The following IL3RA variants were observed in gnomAD, a reference collection of about 807,000 sequenced individuals.
The protein encoded by IL3RA is interleukin-3 receptor subunit alpha.
A neutral mutation model predicts 52.3 loss-of-function variants in IL3RA; 73 were observed. The observed-to-expected ratio is 1.40, with a 90% confidence interval of 1.16 to 1.70. The LOEUF is 1.70. IL3RA is among the 40% of genes most tolerant of loss of function. The pLI is 0.00. For missense variants in IL3RA, 664 were observed against 504.4 expected (o/e 1.32, Z -3.03); for synonymous variants, 260 against 194.0 (o/e 1.34, Z -2.83).
Position 1,337,511 on chromosome X carries a change from A to ACC in IL3RA, c.-39+587_-39+588dup, listed in dbSNP as rs2085356750. On this transcript the variant is annotated intron_variant, in intron 1 of 11. Transcript: ENST00000331035. The stretch of plus-strand genomic sequence containing the variant: ...GCCAAGAGGTGGAGACAGCCCTCGT[A>ACC]CCCATCTATAGATGAATGGAAAAAT... 2.6e-5 allele frequency among the ~76,000 whole-genome samples: 4 copies of ACC among 152,174 alleles called. No homozygotes were observed. The South Asian group carries it at 8.3e-4, about 32-fold the overall frequency.
intron 11 of IL3RA, among the ~76,000 whole-genome samples, chrX:1,381,963 T>C (rs1188791622): frequency 1.3e-5 from 2 of 150,796 alleles, no homozygotes; most frequent in African/African-American, 4.9e-5. Context: ...TTTTTGTTTT[T>C]GAGACGCAGT....
intron 6 of IL3RA, among the ~76,000 whole-genome samples, chrX:1,355,901 G>A (rs574451051): frequency 6.6e-6 from 1 of 152,118 alleles, no homozygotes; most frequent in East Asian, 1.9e-4. Flanking sequence ...ACAAAGATGT[G>A]CAGCTGCCAG....
At position 1,348,674 on chromosome X, in the gene IL3RA, C is replaced by T. The variant is rs1198864538; in HGVS notation, c.298+129C>T. On this transcript the variant is annotated intron_variant, in intron 4 of 11. Coordinates refer to ENST00000331035, the MANE Select transcript of IL3RA (RefSeq NM_002183.4). ...TCTTTCTTTCTTTCTTTCTTTCTTT[C>T]TTTCTTTCTTTCTTTCTTTTTCTTT... The T allele has an allele frequency of 5.2e-4, 250 of 481,900 alleles. 2 individuals carry two copies. In the African/African-American group the frequency reaches 8.0e-3, roughly 15 times the overall value. 29.9% of individuals were successfully genotyped at this position (481,900 alleles called of 1,614,324 possible).
chrX:1,344,298 G>C (rs181478287), intron 2 of IL3RA, among the ~76,000 whole-genome samples: 4 of 151,624 alleles, frequency 2.6e-5, no homozygotes, highest in Non-Finnish European at 4.4e-5. Context: ...GCCGAGTGTG[G>C]TGGCAGGCAC....
chrX:1,360,654 G>C (rs1423081702), intron 8 of IL3RA, among the ~76,000 whole-genome samples: 1 of 151,930 alleles, frequency 6.6e-6, no homozygotes. Context: ...AAGTAGCTGG[G>C]ATTACAGGCA....
Position 1,382,298 on chromosome X carries a change from A to T in IL3RA, c.1063-93A>T. ...AGACACCATGCCTGGCCCACAGAGC[A>T]GATCTGAGATGGGACAGGCCCCCGC... On this transcript the variant is annotated intron_variant, in intron 11 of 11. Transcript: ENST00000331035. 6 of 499,356 alleles carry T rather than the reference A, an allele frequency of 1.2e-5. No individual in the cohort carries two copies. In the South Asian group the frequency reaches 1.6e-4, roughly 13 times the overall value. 30.9% of individuals were successfully genotyped at this position (499,356 alleles called of 1,614,324 possible). A position where few individuals can be genotyped will look rare whatever the true frequency, so the allele number is the denominator to read the frequency against.
intron 8 of IL3RA, among the ~76,000 whole-genome samples, chrX:1,363,071 C>A (rs1242139729): frequency 6.6e-6 from 1 of 151,664 alleles, no homozygotes; most frequent in Admixed American, 6.6e-5. Flanking sequence ...CCACCGCGCC[C>A]GGCCACGTCT....
At position 1,380,889 on chromosome X, in the gene IL3RA, AAT is replaced by A. The variant is rs771303481; in HGVS notation, c.981-132_981-131del. The A allele has an allele frequency of 1.4e-4, 108 of 752,554 alleles. 2 individuals are homozygous for A. In the East Asian group the frequency reaches 2.5e-3, roughly 18 times the overall value. The allele number at this position is 752,554 out of a possible 1,614,324, so 46.6% of individuals were successfully genotyped here. A position where few individuals can be genotyped will look rare whatever the true frequency, so the allele number is the denominator to read the frequency against. ...GTGTCAGGGCCTCAGGGGCCGGGAA[AAT>A]AGAGACCCCTCGAGTAGATGACTTG... is the stretch of plus-strand genomic sequence containing the variant. On this transcript the variant is annotated intron_variant, in intron 10 of 11. Transcript: ENST00000331035.
At chrX:1,381,227 C>T (rs1244575272) in intron 11 of IL3RA, 123 bp downstream of exon 11, 33 of 825,332 alleles carry the variant, frequency 4.0e-5, no homozygotes, top group South Asian at 3.8e-4. Context: ...GGAGAAACTC[C>T]GTGTCTACTA....
chrX:1,363,493 G>T (rs1237771229), intron 8 of IL3RA, among the ~76,000 whole-genome samples: 1 of 150,854 alleles, frequency 6.6e-6, no homozygotes, highest in Non-Finnish European at 1.5e-5. Flanking sequence ...GTAGAGACGG[G>T]GTTTCACTGT....
rs752008929 is a variant in IL3RA, at chrX:1,348,501, T to G, written c.254T>G (p.Val85Gly). ...LCEVTNYTVR[V>G]ANPPFSTWIL... ...GAAGTGACCAACTACACCGTCCGAGTGGCCAACCCACCATTCTCCACGTGG... is the reference window on the plus strand; with the variant it reads ...GAAGTGACCAACTACACCGTCCGAGGGGCCAACCCACCATTCTCCACGTGG... Residue 85 changes from valine to glycine, a missense_variant, in exon 4 of 12, where the codon GTG (valine) becomes GGG (glycine). Physicochemically the swap from Val to Gly is moderately radical, Grantham distance 109 (BLOSUM62 -3). Coordinates refer to ENST00000331035, the MANE Select transcript of IL3RA (RefSeq NM_002183.4). 6.2e-7 allele frequency: 1 copy of G among 1,613,838 alleles called. No individual in the cohort carries two copies. The highest frequency in any genetic ancestry group is 8.5e-7 in the Non-Finnish European group (1 of 1,179,836).
intron 4 of IL3RA, 151 bp from the exon 5 acceptor site, chrX:1,351,949 G>C: frequency 2.0e-6 from 2 of 978,894 alleles, no homozygotes; most frequent in South Asian, 3.4e-5. Flanking sequence ...ATTTTTAGTA[G>C]AGATTGGGTT....
chrX:1,365,337 CGCGGGGTGA>C lies in IL3RA; in HGVS notation c.874+106_874+114del, dbSNP rs1448303602. 385 of 406,450 alleles carry C rather than the reference CGCGGGGTGA, an allele frequency of 9.5e-4. 4 individuals carry two copies. The highest frequency in any genetic ancestry group is 8.1e-3 in the Admixed American group (99 of 12,258). The allele number at this position is 406,450 out of a possible 1,614,324, so 25.2% of individuals were successfully genotyped here. A position where few individuals can be genotyped will look rare whatever the true frequency, so the allele number is the denominator to read the frequency against. ...CGGGGTGCGCGGGGTGAGCGGGGTG[CGCGGGGTGA>C]GCGGGGTGAGCGGGGTGAGCCGGGT... On this transcript the variant is annotated intron_variant, in intron 9 of 11. Transcript: ENST00000331035.
At chrX:1,349,095 C>A (rs1242853099) in intron 4 of IL3RA, among the ~76,000 whole-genome samples, 1 of 151,702 alleles carries the variant, frequency 6.6e-6, no homozygotes, top group Non-Finnish European at 1.5e-5. Context: ...GCAGGCTTCA[C>A]CTCCTGAGCT....
At position 1,382,540 on chromosome X, in the gene IL3RA, T is replaced by A. The variant is rs1314446745; in HGVS notation, c.*75T>A. 2.7e-5 allele frequency: 37 copies of A among 1,351,226 alleles called. No individual in the cohort carries two copies. The highest frequency in any genetic ancestry group is 3.7e-5 in the Non-Finnish European group (35 of 940,796). The allele number at this position is 1,351,226 out of a possible 1,614,324, so 83.7% of individuals were successfully genotyped here. ...CCAGGCGCCTGCACAGACTGGCTGC[T>A]GGACCTGCGCACGCAGCCCAGGAAT... On this transcript the variant is annotated 3_prime_UTR_variant, in exon 12 of 12. Coordinates refer to ENST00000331035, the MANE Select transcript of IL3RA (RefSeq NM_002183.4).
intron 1 of IL3RA, among the ~76,000 whole-genome samples, chrX:1,338,782 A>T (rs2085388243): frequency 6.6e-6 from 1 of 151,304 alleles, no homozygotes; most frequent in Admixed American, 6.6e-5. Flanking sequence ...TGGGGTCGTG[A>T]CAATGTTCTA....
chrX:1,342,988 T>C (rs1205617189), intron 2 of IL3RA, among the ~76,000 whole-genome samples: 1 of 148,938 alleles, frequency 6.7e-6, no homozygotes, highest in Admixed American at 6.7e-5. Flanking sequence ...GGCAGGAGAG[T>C]CGCTTGAACC....
chrX:1,347,312 C>A (rs2085788294), intron 3 of IL3RA, among the ~76,000 whole-genome samples: 1 of 151,016 alleles, frequency 6.6e-6, no homozygotes, highest in Admixed American at 6.6e-5. Context: ...GGCGTGGTGG[C>A]TGGTGCCTGT....
In IL3RA at chrX:1,348,692, T is replaced by TTC. The variant is rs1401190803; in HGVS notation, c.298+148_298+149insCT. ...TTTCTTTCTTTCTTTCTTTCTTTCT[T>TTC]TTTCTTTCTTTCTGTTTCTGTTTCT... is the stretch of plus-strand genomic sequence containing the variant. On this transcript the variant is annotated intron_variant, in intron 4 of 11. Transcript: ENST00000331035. 3.0e-3 allele frequency: 837 copies of TTC among 280,414 alleles called. 10 individuals are homozygous for TTC. Among genetic ancestry groups the TTC allele is most frequent in the Middle Eastern group, 8.6e-3 (8 of 932 alleles). 17.4% of individuals were successfully genotyped at this position (280,414 alleles called of 1,614,324 possible). A position where few individuals can be genotyped will look rare whatever the true frequency, so the allele number is the denominator to read the frequency against.
Sources: gnomAD v4.1 joint callset for allele counts (sites outside exome capture counted in the v4.1 genomes callset) on GRCh38, gnomAD v4.1.1 for gene constraint, MANE v1.5 for transcripts, NCBI Gene and HGNC (gene_info 2026-07-23, HGNC 2026-07-21) for gene names.